The following TMEM131 variants were observed in gnomAD, a reference collection of about 807,000 sequenced individuals.
The protein encoded by TMEM131 is transmembrane protein 131.
In TMEM131, 66 loss-of-function variants were observed where a neutral mutation model predicts 211.6. That is an observed-to-expected ratio of 0.31 (90% CI 0.26 to 0.38). The LOEUF (loss-of-function observed/expected upper bound fraction) is 0.38. Ranked by LOEUF, TMEM131 falls within the 10% of genes least tolerant of loss-of-function variation. The pLI is 1.00. For synonymous variants in TMEM131, 844 were observed against 841.3 expected, an observed-to-expected ratio of 1.00 and a Z score of -0.06; for missense variants, 2,036 against 2,299.3, an observed-to-expected ratio of 0.89 and a Z score of 2.34.
chr2:97,940,406 C>T (rs963355579), intron 1 of TMEM131, among the ~76,000 whole-genome samples: 1 of 152,142 alleles, frequency 6.6e-6, no homozygotes, highest in East Asian at 1.9e-4. Context: ...TGAGTGAACT[C>T]CCATTCACTA....
chr2:97,953,060 A>C (rs568492860), intron 1 of TMEM131, among the ~76,000 whole-genome samples: 8 of 152,246 alleles, frequency 5.3e-5, no homozygotes, highest in Admixed American at 1.3e-4. Context: ...AAAAAGAAAG[A>C]AAATAATAAA....
At chr2:97,939,712 G>C (rs865779221) in intron 1 of TMEM131, among the ~76,000 whole-genome samples, 1 of 151,828 alleles carries the variant, frequency 6.6e-6, no homozygotes, top group Non-Finnish European at 1.5e-5. Context: ...GCCTGGCAGA[G>C]ACACAGGAAA....
chr2:97,960,474 G>C (rs1678768380), intron 1 of TMEM131, among the ~76,000 whole-genome samples: 1 of 151,542 alleles, frequency 6.6e-6, no homozygotes, highest in Admixed American at 6.6e-5. Context: ...GCCAGTTTTT[G>C]TGTTGTTCTA....
intron 1 of TMEM131, among the ~76,000 whole-genome samples, chr2:97,993,626 C>T (rs1376988942): frequency 6.6e-6 from 1 of 152,120 alleles, no homozygotes; most frequent in Non-Finnish European, 1.5e-5. Flanking sequence ...AAAGCATGGG[C>T]CACAAAGGAT....
chr2:97,990,401 C>T (rs2104679305), intron 1 of TMEM131, among the ~76,000 whole-genome samples: 1 of 151,796 alleles, frequency 6.6e-6, no homozygotes, highest in South Asian at 2.1e-4. Flanking sequence ...GCAGTTGGTA[C>T]AATATAACAA....
intron 1 of TMEM131, among the ~76,000 whole-genome samples, chr2:97,950,451 C>T (rs934540052): frequency 6.6e-5 from 10 of 152,020 alleles, no homozygotes; most frequent in African/African-American, 2.4e-4. Context: ...GTCCTTGTGG[C>T]TTCTGTAGCC....
At chr2:97,955,327 C>G (rs1252119742) in intron 1 of TMEM131, among the ~76,000 whole-genome samples, 2 of 152,148 alleles carry the variant, frequency 1.3e-5, no homozygotes, top group African/African-American at 4.8e-5. Flanking sequence ...ACTTCCTTTA[C>G]TTGACAAAGA....
intron 1 of TMEM131, among the ~76,000 whole-genome samples, chr2:97,970,913 C>T (rs965589680): frequency 2.6e-5 from 4 of 152,198 alleles, no homozygotes; most frequent in African/African-American, 9.7e-5. Flanking sequence ...TACTGACACT[C>T]AACCATTCTT....
intron 31 of TMEM131, among the ~76,000 whole-genome samples, chr2:97,783,942 G>A (rs1680133323): frequency 6.6e-6 from 1 of 151,720 alleles, no homozygotes; most frequent in Admixed American, 6.6e-5. Context: ...TTAAAGGAAA[G>A]CAGGTGGCTA....
At chr2:97,763,072 C>G (rs994656343) in intron 35 of TMEM131, 5 of 152,176 alleles carry the variant, frequency 3.3e-5, no homozygotes, top group Non-Finnish European at 5.9e-5. Context: ...CTGGCCAGCT[C>G]GCTACCTGGC....
intron 2 of TMEM131, chr2:97,911,671 T>A: frequency 1.0e-6 from 1 of 985,190 alleles, no homozygotes; most frequent in Non-Finnish European, 1.2e-6. Flanking sequence ...ATGCAAAGGA[T>A]CTGTGGAAAT....
At chr2:97,937,672 C>T (rs796187208) in intron 1 of TMEM131, among the ~76,000 whole-genome samples, 26 of 151,940 alleles carry the variant, frequency 1.7e-4, no homozygotes, top group African/African-American at 3.4e-4. Context: ...TATAAACATA[C>T]GTGAACCTAA....
Position 97,797,516 on chromosome 2 carries a change from C to A in TMEM131, c.2719G>T (p.Ala907Ser). The A allele has an allele frequency of 1.2e-6, 2 of 1,605,774 alleles. No individual in the cohort carries two copies. Among genetic ancestry groups the A allele is most frequent in the Non-Finnish European group, 1.7e-6 (2 of 1,176,852 alleles). ...TLEFQVFRNSAHPLQSSTGFM... is the reference protein window; with the variant it reads ...TLEFQVFRNSSHPLQSSTGFM... ...CCTGTTGAACTCTGCAGTGGATGAG[C>A]CTTGAATCATTGGGTAAACAGAGAG... Residue 907 changes from alanine to serine, a missense_variant and splice_region_variant, in exon 26 of 41, where the codon GCT (alanine) becomes TCT (serine). By Grantham distance (99) the Ala-to-Ser change is moderately conservative. Coordinates refer to ENST00000186436, the MANE Select transcript of TMEM131 (RefSeq NM_015348.2).
Position 97,766,558 on chromosome 2 carries a change from C to A in TMEM131, c.4493G>T (p.Arg1498Leu). The A allele has an allele frequency of 1.9e-6, 3 of 1,613,944 alleles. No homozygotes were observed. Among genetic ancestry groups the A allele is most frequent in the Non-Finnish European group, 2.5e-6 (3 of 1,179,850 alleles). ...AGGAATCTTGCTTGGGAGATTTCTA[C>A]GTTGCTTACTTTCCAAAGGGGGAGT... ...PYTPPLESKQ[R>L]RNLPSKIPLP... The change falls in exon 34 of 41, where the codon CGT (arginine) becomes CTT (leucine). Residue 1498 changes from arginine to leucine, a missense_variant. Physicochemically the swap from Arg to Leu is moderately radical, Grantham distance 102. Coordinates refer to ENST00000186436, the MANE Select transcript of TMEM131 (RefSeq NM_015348.2).
chr2:97,809,675 T>G lies in TMEM131; in HGVS notation c.2055+13A>C. Reference sequence around the variant, plus strand: ...AACGAGCAATAGAAAAATGTGTGTATTAATGGTCTTACTGGAAAGGAAGGT... The same window carrying G: ...AACGAGCAATAGAAAAATGTGTGTAGTAATGGTCTTACTGGAAAGGAAGGT... On this transcript the variant is annotated intron_variant, in intron 19 of 40. Transcript: ENST00000186436. The G allele has an allele frequency of 2.5e-6, 4 of 1,601,694 alleles. No individual in the cohort carries two copies. Among genetic ancestry groups the G allele is most frequent in the Non-Finnish European group, 3.4e-6 (4 of 1,172,030 alleles).
chr2:97,797,617 TGATTAAATGCATAAACA>T, intron 25 of TMEM131, 101 bp from the exon 26 acceptor site: 1 of 1,019,504 alleles, frequency 9.8e-7, no homozygotes, highest in Non-Finnish European at 1.4e-6. Context: ...TTTCTCAAAC[TGATTAAATGCATAAACA>T]ATTTTATCTG....
chr2:97,815,185 A>T lies in TMEM131; in HGVS notation c.1292+14T>A. ...AGTAAAAAGTAATAGAATTTATTTT[A>T]AAAAGAAACTCACCCATCTAAAACT... On this transcript the variant is annotated intron_variant, in intron 13 of 40. Transcript: ENST00000186436. 7.1e-7 allele frequency: 1 copy of T among 1,404,400 alleles called. No individual in the cohort carries two copies. Among genetic ancestry groups the T allele is most frequent in the Non-Finnish European group, 9.6e-7 (1 of 1,042,302 alleles). 87.0% of individuals were successfully genotyped at this position (1,404,400 alleles called of 1,614,324 possible).
intron 1 of TMEM131, among the ~76,000 whole-genome samples, chr2:97,967,848 T>C (rs946260331): frequency 6.6e-6 from 1 of 151,862 alleles, no homozygotes; most frequent in Non-Finnish European, 1.5e-5. Context: ...TGTCTTCCCA[T>C]GTAACACATC....
At chr2:97,882,032 A>G (rs889796613) in intron 4 of TMEM131, among the ~76,000 whole-genome samples, 1 of 152,204 alleles carries the variant, frequency 6.6e-6, no homozygotes, top group Non-Finnish European at 1.5e-5. Context: ...AAAATGTACA[A>G]ATTTCATTTT....
Sources: gnomAD v4.1 joint callset for allele counts (sites outside exome capture counted in the v4.1 genomes callset) on GRCh38, gnomAD v4.1.1 for gene constraint, MANE v1.5 for transcripts, NCBI Gene and HGNC (gene_info 2026-07-23, HGNC 2026-07-21) for gene names.